Variants in SNX29 observed in about 807,000 individuals in gnomAD.
SNX29 encodes the protein sorting nexin 29, also known as sorting nexin-29.
In SNX29, 78 loss-of-function variants were observed where a neutral mutation model predicts 102.1. That is an observed-to-expected ratio of 0.76 (90% confidence interval 0.64 to 0.92). The LOEUF is 0.92. Ranked by LOEUF, SNX29 falls within the 40% of genes least tolerant of loss-of-function variation. The pLI, the probability that SNX29 is intolerant of heterozygous loss-of-function variation, is 0.00. For synonymous variants in SNX29, 580 were observed against 414.5 expected (o/e 1.40, Z -4.85); for missense variants, 1,280 against 1,061.7 (o/e 1.21, Z -2.86).
At chr16:12,132,657 A>G (rs893578707) in intron 13 of SNX29, among the ~76,000 whole-genome samples, 1 of 152,180 alleles carries the variant, frequency 6.6e-6, no homozygotes, top group African/African-American at 2.4e-5. Context: ...GTGCATGACA[A>G]TTGTTGGGAA....
At chr16:12,165,249 A>T (rs1486046336) in intron 13 of SNX29, among the ~76,000 whole-genome samples, 3 of 152,232 alleles carry the variant, frequency 2.0e-5, no homozygotes, top group Non-Finnish European at 2.9e-5. Flanking sequence ...AATTGTCCTG[A>T]AGAAGAGAGG....
intron 19 of SNX29, among the ~76,000 whole-genome samples, chr16:12,497,607 C>G (rs1331654114): frequency 6.6e-6 from 1 of 152,226 alleles, no homozygotes; most frequent in African/African-American, 2.4e-5. Flanking sequence ...TGACCAGTCT[C>G]CTTCTCTTGT....
intron 19 of SNX29, among the ~76,000 whole-genome samples, chr16:12,492,062 G>A (rs1267139327): frequency 1.4e-4 from 22 of 152,288 alleles, no homozygotes; most frequent in Non-Finnish European, 2.9e-5. Flanking sequence ...GGATGGCTGG[G>A]TCAGATGGTA....
At chr16:12,333,007 A>G (rs999334253) in intron 15 of SNX29, among the ~76,000 whole-genome samples, 6 of 152,158 alleles carry the variant, frequency 3.9e-5, no homozygotes, top group Non-Finnish European at 7.3e-5. Flanking sequence ...AGGAAATGGA[A>G]GAAGGGAGGA....
At chr16:12,546,537 C>T (rs571661931) in intron 20 of SNX29, 1 of 152,174 alleles carries the variant, frequency 6.6e-6, no homozygotes. Flanking sequence ...TGGGTCCCTC[C>T]CATGATACAT....
At chr16:12,548,623 A>G (rs1227885343) in intron 20 of SNX29, among the ~76,000 whole-genome samples, 5 of 152,238 alleles carry the variant, frequency 3.3e-5, no homozygotes, top group African/African-American at 1.2e-4. Context: ...GCCCCACAGC[A>G]GAAGAGGCTC....
At chr16:12,225,743 A>G (rs2077592785) in intron 14 of SNX29, among the ~76,000 whole-genome samples, 2 of 152,338 alleles carry the variant, frequency 1.3e-5, no homozygotes, top group South Asian at 4.1e-4. Context: ...AGGAGCTGAT[A>G]CAGGGATTTG....
intron 14 of SNX29, among the ~76,000 whole-genome samples, chr16:12,207,199 T>C (rs1011810361): frequency 1.3e-5 from 2 of 152,004 alleles, no homozygotes; most frequent in African/African-American, 4.8e-5. Flanking sequence ...TGAAACCCCA[T>C]CTCTACTAAA....
At chr16:12,289,030 G>T (rs546898576) in intron 15 of SNX29, among the ~76,000 whole-genome samples, 1 of 152,340 alleles carries the variant, frequency 6.6e-6, no homozygotes, top group South Asian at 2.1e-4. Context: ...AATGAATGCA[G>T]TGACAAACAT....
chr16:12,542,366 A>ACTTG lies in SNX29; in HGVS notation c.2318+17525_2318+17526insCTTG, dbSNP rs1555572348. On this transcript the variant is annotated intron_variant, in intron 20 of 20. Coordinates refer to ENST00000566228, the MANE Select transcript of SNX29 (RefSeq NM_032167.5). ...GTCTCAAAAGAAAAAGTTAGACCCAAGTTCTATCACCCAGGGTGGAGTACA... is the reference window on the plus strand; with the variant it reads ...GTCTCAAAAGAAAAAGTTAGACCCAACTTGGTTCTATCACCCAGGGTGGAGTACA... Among the ~76,000 whole-genome samples the ACTTG allele has an allele frequency of 3.2e-4, 49 of 152,338 alleles. 2 individuals are homozygous for ACTTG. The South Asian group carries it at 5.4e-3, about 17-fold the overall frequency.
At chr16:12,041,474 C>T (rs2049877176) in intron 4 of SNX29, among the ~76,000 whole-genome samples, 1 of 152,216 alleles carries the variant, frequency 6.6e-6, no homozygotes, top group Non-Finnish European at 1.5e-5. Flanking sequence ...CTTTTAAACA[C>T]TATAATTTAT....
intron 15 of SNX29, among the ~76,000 whole-genome samples, chr16:12,283,105 T>C (rs979690854): frequency 1.3e-5 from 2 of 152,102 alleles, no homozygotes; most frequent in African/African-American, 2.4e-5. Flanking sequence ...GGGGACACCA[T>C]TGAGTAATAG....
At chr16:12,425,824 GT>G (rs1424232484) in intron 18 of SNX29, among the ~76,000 whole-genome samples, 1 of 152,060 alleles carries the variant, frequency 6.6e-6, no homozygotes, top group Non-Finnish European at 1.5e-5. Flanking sequence ...AGAGCTACAT[GT>G]TTTTTCATGC....
intron 13 of SNX29, among the ~76,000 whole-genome samples, chr16:12,169,171 ATTGT>A (rs2141730069): frequency 6.6e-6 from 1 of 152,270 alleles, no homozygotes; most frequent in African/African-American, 2.4e-5. Flanking sequence ...AACTGGGTGA[ATTGT>A]TTGGTATGTG....
intron 20 of SNX29, among the ~76,000 whole-genome samples, chr16:12,538,729 CAGG>C (rs762132415): frequency 1.9e-4 from 29 of 152,276 alleles, no homozygotes; most frequent in Non-Finnish European, 3.7e-4. Context: ...GGAGCACAGA[CAGG>C]AGAAGCACAC....
intron 1 of SNX29, among the ~76,000 whole-genome samples, chr16:11,978,017 G>C (rs1324007990): frequency 6.6e-6 from 1 of 152,208 alleles, no homozygotes; most frequent in African/African-American, 2.4e-5. Flanking sequence ...GCAAGGCCAA[G>C]GGATACTGCT....
rs561396911 is a variant in SNX29 at position 12,152,418 on chromosome 16, T to C, written c.1595+22660T>C. Among the ~76,000 whole-genome samples the C allele has an allele frequency of 5.3e-5, 8 of 152,184 alleles. No homozygotes were observed. In the South Asian group the frequency reaches 1.7e-3, roughly 32 times the overall value. ...GGTCATTTCAAGGTTTGGCCTCAGATGGGCATGTGGGGAGCAGGAGACAGT... is the reference window on the plus strand; with the variant it reads ...GGTCATTTCAAGGTTTGGCCTCAGACGGGCATGTGGGGAGCAGGAGACAGT... On this transcript the variant is annotated intron_variant, in intron 13 of 20. Coordinates refer to ENST00000566228, the MANE Select transcript of SNX29 (RefSeq NM_032167.5).
chr16:12,360,648 C>G (rs554791914), intron 16 of SNX29, among the ~76,000 whole-genome samples: 1 of 152,076 alleles, frequency 6.6e-6, no homozygotes, highest in African/African-American at 2.4e-5. Flanking sequence ...TCCCCATCCC[C>G]CCACCCCCTA....
intron 11 of SNX29, among the ~76,000 whole-genome samples, chr16:12,084,941 G>T (rs1009173865): frequency 6.6e-6 from 1 of 152,048 alleles, no homozygotes; most frequent in Non-Finnish European, 1.5e-5. Flanking sequence ...ATGGTGGTGC[G>T]TACCTGTATT....
Sources: allele counts gnomAD v4.1 joint callset (sites outside exome capture counted in the v4.1 genomes callset), GRCh38; gene constraint gnomAD v4.1.1; transcripts MANE v1.5; gene names NCBI Gene and HGNC (gene_info 2026-07-23, HGNC 2026-07-21).